SLC22A12: variants seen among roughly 807,000 people sequenced by gnomAD.
The protein encoded by SLC22A12 is organic anion transporter 4-like protein.
A neutral mutation model predicts 52.7 loss-of-function variants in SLC22A12; 56 were observed. The observed-to-expected ratio is 1.06, with a 90% confidence interval of 0.86 to 1.33. SLC22A12 has a LOEUF of 1.33. SLC22A12 is among the 40% of genes most tolerant of loss of function. SLC22A12 has a pLI of 0.00. For missense variants in SLC22A12, 683 were observed against 741.5 expected, an observed-to-expected ratio of 0.92 and a Z score of 0.92; for synonymous variants, 337 against 324.6, an observed-to-expected ratio of 1.04 and a Z score of -0.41.
Position 64,601,990 on chromosome 11 carries a change from C to G in SLC22A12, c.*439C>G. On this transcript the variant is annotated 3_prime_UTR_variant, in exon 10 of 10. Transcript: ENST00000377574. Reference sequence around the variant, plus strand: ...CCACACAAGCAGTAGAGTCTCAGCTCCACAGCTTTACCCAGAAGCCCTGTA... The same window carrying G: ...CCACACAAGCAGTAGAGTCTCAGCTGCACAGCTTTACCCAGAAGCCCTGTA... 1 of 295,016 alleles carries G rather than the reference C, an allele frequency of 3.4e-6. No individual in the cohort carries two copies. Among genetic ancestry groups the G allele is most frequent in the Non-Finnish European group, 6.7e-6 (1 of 149,574 alleles). 18.3% of individuals were successfully genotyped at this position (295,016 alleles called of 1,614,324 possible).
At chr11:64,594,423 A>G (rs2039019288) in intron 4 of SLC22A12, among the ~76,000 whole-genome samples, 1 of 152,260 alleles carries the variant, frequency 6.6e-6, no homozygotes, top group Non-Finnish European at 1.5e-5. Context: ...CACCTGGCAC[A>G]TAGTAGGTGC....
In SLC22A12 at chr11:64,600,352, C is replaced by T. The variant is rs1324602151; in HGVS notation, c.1286-15C>T. The T allele has an allele frequency of 6.3e-7, 1 of 1,586,164 alleles. No homozygotes were observed. ...GGCCCCCCACCAAGCTCACTAATCC[C>T]ATCTCTACCCACAGAAATGGGGGCT... On this transcript the variant is annotated splice_polypyrimidine_tract_variant and intron_variant, in intron 7 of 9. Coordinates refer to ENST00000377574, the MANE Select transcript of SLC22A12 (RefSeq NM_144585.4).
intron 4 of SLC22A12, among the ~76,000 whole-genome samples, chr11:64,595,094 AGGATGGATGGATGGAT>A (rs752538108): frequency 2.5e-5 from 1 of 40,064 alleles, no homozygotes; most frequent in Non-Finnish European, 4.9e-5. Context: ...ATAGATGGAA[AGGATGGATGGATGGAT>A]GGATGGATGG....
intron 7 of SLC22A12, 122 bp downstream of exon 7, chr11:64,600,012 G>T: frequency 8.0e-7 from 1 of 1,253,144 alleles, no homozygotes; most frequent in Middle Eastern, 2.7e-4. Flanking sequence ...GGAGGCTGCC[G>T]GAGCCGTCTA....
chr11:64,593,868 G>A, intron 4 of SLC22A12, 65 bp downstream of exon 4: 4 of 1,567,414 alleles, frequency 2.6e-6, no homozygotes, highest in Non-Finnish European at 3.4e-6. Context: ...CGGGGGAATG[G>A]GAGACTCTCC....
intron 4 of SLC22A12, among the ~76,000 whole-genome samples, chr11:64,596,089 AATGG>A (rs146602952): frequency 2.7e-5 from 1 of 36,468 alleles, no homozygotes. Context: ...TTGATGGTTG[AATGG>A]ATGGATGGAT....
Position 64,602,019 on chromosome 11 carries a change from C to G in SLC22A12, c.*468C>G, listed in dbSNP as rs2039469064. Reference sequence around the variant, plus strand: ...AGCTTTACCCAGAAGCCCTGTAAGCCTGGCCCCTGGCCCCTCCCCATGTCC... The same window carrying G: ...AGCTTTACCCAGAAGCCCTGTAAGCGTGGCCCCTGGCCCCTCCCCATGTCC... On this transcript the variant is annotated 3_prime_UTR_variant, in exon 10 of 10. Transcript: ENST00000377574. 1 of 252,698 alleles carries G rather than the reference C, an allele frequency of 4.0e-6. No individual in the cohort carries two copies. The highest frequency in any genetic ancestry group is 2.2e-5 in the African/African-American group (1 of 44,936). 15.7% of individuals were successfully genotyped at this position (252,698 alleles called of 1,614,324 possible).
rs747987531 is a variant in SLC22A12, at chr11:64,593,556, C to G, written c.658C>G (p.Leu220Val). ...AGGCGTCATGATGAACACGGGCACT[C>G]TCCGTAGGTCTCTGACCTGGCGCCA... Reference protein sequence around the residue: ...VAGVMMNTGTLLMEWTAARAR... With the variant: ...VAGVMMNTGTVLMEWTAARAR... The change falls in exon 3 of 10, where the codon CTC becomes GTC. Residue 220 changes from leucine to valine, a missense_variant. Physicochemically the swap from Leu to Val is conservative, Grantham distance 32. Coordinates refer to ENST00000377574, the MANE Select transcript of SLC22A12 (RefSeq NM_144585.4). The G allele has an allele frequency of 2.2e-5, 36 of 1,614,064 alleles. No homozygotes were observed. The highest frequency in any genetic ancestry group is 2.9e-5 in the Non-Finnish European group (34 of 1,180,052).
At chr11:64,600,018 GT>G (rs2039400550) in intron 7 of SLC22A12, 128 bp downstream of exon 7, 1 of 1,168,836 alleles carries the variant, frequency 8.6e-7, no homozygotes. Context: ...TGCCGGAGCC[GT>G]CTAGGGACAG....
chr11:64,593,855 AC>A, intron 4 of SLC22A12, 52 bp downstream of exon 4: 1 of 1,578,368 alleles, frequency 6.3e-7, no homozygotes, highest in Non-Finnish European at 8.6e-7. Flanking sequence ...CCCACTCTCC[AC>A]CCGGGGGAAT....
chr11:64,600,524 C>T (rs534973299), intron 8 of SLC22A12, 49 bp downstream of exon 8: 18 of 1,487,578 alleles, frequency 1.2e-5, no homozygotes, highest in Middle Eastern at 2.1e-4. Flanking sequence ...GGCTGAGCTG[C>T]GGGGCACCCC....
intron 3 of SLC22A12, 32 bp from the exon 4 acceptor site, chr11:64,593,603 C>A (rs1418585209): frequency 2.5e-6 from 4 of 1,614,052 alleles, no homozygotes; most frequent in Non-Finnish European, 3.4e-6. Context: ...TCCATGCAGG[C>A]TCCAGGGCTG....
rs779440346 is a variant in SLC22A12, at chr11:64,599,856, G to A, written c.1251G>A (p.Gly417=). ...PTLAASLLLA[G]LCILANTLVP... ...TGGCCGCATCCCTGTTGCTGGCAGGGCTCTGCATTCTGGCCAACACGCTGG... is the reference window on the plus strand; with the variant it reads ...TGGCCGCATCCCTGTTGCTGGCAGGACTCTGCATTCTGGCCAACACGCTGG... Residue 417 remains glycine (G), a synonymous_variant, in exon 7 of 10, where the codon GGG becomes GGA. Transcript: ENST00000377574. The A allele has an allele frequency of 1.1e-5, 18 of 1,612,576 alleles. No homozygotes were observed. The African/African-American group carries it at 1.9e-4, about 17-fold the overall frequency.
At chr11:64,595,137 T>TGGATGGG (rs2039090653) in intron 4 of SLC22A12, among the ~76,000 whole-genome samples, 3 of 26,330 alleles carry the variant, frequency 1.1e-4, no homozygotes, top group Non-Finnish European at 2.3e-4. Flanking sequence ...GGATGGATGG[T>TGGATGGG]TGAATGGATG....
At chr11:64,596,881 T>C (rs1427787206) in intron 4 of SLC22A12, among the ~76,000 whole-genome samples, 2 of 152,158 alleles carry the variant, frequency 1.3e-5, no homozygotes, top group Non-Finnish European at 2.9e-5. Flanking sequence ...CCCCTTTCCT[T>C]GGTAGACGTG....
chr11:64,598,668 C>T (rs1416370427), intron 5 of SLC22A12, 29 bp downstream of exon 5: 6 of 1,603,742 alleles, frequency 3.7e-6, no homozygotes, highest in Middle Eastern at 1.7e-4. Context: ...CAAACCCGGA[C>T]CCTCAGACCC....
chr11:64,594,938 TTGGA>T (rs1554987385), intron 4 of SLC22A12, among the ~76,000 whole-genome samples: 1 of 32,566 alleles, frequency 3.1e-5, no homozygotes, highest in Non-Finnish European at 6.2e-5. Flanking sequence ...GAATGGATGG[TTGGA>T]TGGATGGATG....
chr11:64,599,591 G>GCCCCCCCCCCCCCTTTTTTCCCCCCC, intron 6 of SLC22A12, 85 bp from the exon 7 acceptor site: 2 of 617,180 alleles, frequency 3.2e-6, no homozygotes, highest in South Asian at 2.6e-5. Flanking sequence ...CCCACCCTGA[G>GCCCCCCCCCCCCCTTTTTTCCCCCCC]CCCCCACCGC....
In SLC22A12 at chr11:64,594,714, T is replaced by TGGAC. The variant is rs1253086323; in HGVS notation, c.830+914_830+915insCGGA. Among the ~76,000 whole-genome samples, 5 of 145,162 alleles carry TGGAC rather than the reference T, an allele frequency of 3.4e-5. No individual in the cohort carries two copies. The South Asian group carries it at 9.1e-4, about 26-fold the overall frequency. The stretch of plus-strand genomic sequence containing the variant: ...ATGGATGGATGGATGGATGGATGGA[T>TGGAC]GGATGGATGGACGGACAGACGGACG... On this transcript the variant is annotated intron_variant, in intron 4 of 9. Transcript: ENST00000377574.
Sources: gnomAD v4.1 joint callset for allele counts (sites outside exome capture counted in the v4.1 genomes callset) on GRCh38, gnomAD v4.1.1 for gene constraint, MANE v1.5 for transcripts, NCBI Gene and HGNC (gene_info 2026-07-23, HGNC 2026-07-21) for gene names.